The following ESRRG variants were observed in gnomAD, a reference collection of about 807,000 sequenced individuals.
ESRRG encodes estrogen related receptor gamma.
In ESRRG, 13 loss-of-function variants were observed where a neutral mutation model predicts 44.0. That is an observed-to-expected ratio of 0.30 (90% CI 0.19 to 0.47). The LOEUF is 0.47. ESRRG is among the 20% of genes least tolerant of loss of function. ESRRG has a pLI of 1.00. For missense variants in ESRRG, 395 were observed against 580.6 expected (o/e 0.68, Z 3.29); for synonymous variants, 215 against 214.6 (o/e 1.00, Z -0.02).
intron 1 of ESRRG, among the ~76,000 whole-genome samples, chr1:217,080,746 T>C (rs1238467415): frequency 4.2e-5 from 6 of 141,366 alleles, no homozygotes; most frequent in Non-Finnish European, 9.1e-5. Flanking sequence ...GGCGCCATCT[T>C]GGCTCACTGC....
chr1:216,646,885 T>A (rs1420689150), intron 3 of ESRRG, among the ~76,000 whole-genome samples: 3 of 152,200 alleles, frequency 2.0e-5, no homozygotes, highest in Admixed American at 1.3e-4. Flanking sequence ...TGTGCGTGAA[T>A]GTGAGTCTTT....
intron 2 of ESRRG, among the ~76,000 whole-genome samples, chr1:216,755,953 G>A (rs2152317809): frequency 6.6e-6 from 1 of 152,070 alleles, no homozygotes; most frequent in South Asian, 2.1e-4. Context: ...TGGCCCCCCT[G>A]CACATTACAG....
chr1:216,779,208 TAAATA>T (rs1409684550), intron 2 of ESRRG, among the ~76,000 whole-genome samples: 8 of 63,118 alleles, frequency 1.3e-4, no homozygotes, highest in East Asian at 5.6e-4. Context: ...TTTATAAATA[TAAATA>T]TATATTTATA....
intron 2 of ESRRG, among the ~76,000 whole-genome samples, chr1:216,883,711 C>T (rs1225947542): frequency 6.6e-6 from 1 of 152,180 alleles, no homozygotes; most frequent in East Asian, 1.9e-4. Context: ...CCAACTAATA[C>T]ACCCCCTAAT....
At chr1:217,025,490 CA>C (rs1250786789) in intron 1 of ESRRG, among the ~76,000 whole-genome samples, 2 of 152,124 alleles carry the variant, frequency 1.3e-5, no homozygotes, top group Non-Finnish European at 2.9e-5. Context: ...AGTATATGCA[CA>C]AGAAATTTAA....
chr1:216,856,392 T>TACACACACAC (rs2095941258), intron 2 of ESRRG, among the ~76,000 whole-genome samples: 2 of 107,812 alleles, frequency 1.9e-5, no homozygotes, highest in African/African-American at 3.9e-5. Flanking sequence ...CACACACACT[T>TACACACACAC]GGAACGAACA....
intron 2 of ESRRG, among the ~76,000 whole-genome samples, chr1:216,652,954 G>A (rs780181780): frequency 7.3e-5 from 11 of 151,480 alleles, no homozygotes; most frequent in Admixed American, 2.0e-4. Context: ...AACAGTGACT[G>A]CTTAAAAGGA....
chr1:216,869,284 CCT>C (rs34956732), intron 2 of ESRRG, among the ~76,000 whole-genome samples: 2 of 151,988 alleles, frequency 1.3e-5, no homozygotes, highest in Admixed American at 6.6e-5. Flanking sequence ...ACTTTTTCCC[CCT>C]GTTGATGTTC....
intron 3 of ESRRG, among the ~76,000 whole-genome samples, chr1:216,606,448 A>G (rs1432444367): frequency 1.3e-5 from 2 of 152,128 alleles, no homozygotes; most frequent in Non-Finnish European, 2.9e-5. Context: ...CTTTTTCTCT[A>G]TGGATTCTCT....
intron 1 of ESRRG, among the ~76,000 whole-genome samples, chr1:216,995,037 C>T (rs974036012): frequency 6.6e-6 from 1 of 152,160 alleles, no homozygotes; most frequent in Non-Finnish European, 1.5e-5. Context: ...GGATGTCAAT[C>T]TGGAAGCTTT....
intron 1 of ESRRG, among the ~76,000 whole-genome samples, chr1:217,121,844 C>T (rs953599388): frequency 6.6e-6 from 1 of 152,202 alleles, no homozygotes; most frequent in Non-Finnish European, 1.5e-5. Context: ...CAGCCAAGAA[C>T]ATAACCACCT....
At chr1:216,772,565 T>A (rs915165714) in intron 2 of ESRRG, among the ~76,000 whole-genome samples, 3 of 152,176 alleles carry the variant, frequency 2.0e-5, no homozygotes, top group Admixed American at 2.0e-4. Context: ...TTTCAAGCTG[T>A]CAAAACATAT....
At chr1:216,773,492 T>G (rs987183175) in intron 2 of ESRRG, among the ~76,000 whole-genome samples, 1 of 152,102 alleles carries the variant, frequency 6.6e-6, no homozygotes, top group African/African-American at 2.4e-5. Context: ...TTGAAAAAAT[T>G]GTCAATTGTA....
chr1:216,774,678 T>A (rs2093524492), intron 2 of ESRRG, among the ~76,000 whole-genome samples: 1 of 152,006 alleles, frequency 6.6e-6, no homozygotes, highest in Non-Finnish European at 1.5e-5. Flanking sequence ...AATGTAGCAC[T>A]AAATCCACAC....
At chr1:216,851,438 T>A (rs1299422370) in intron 2 of ESRRG, among the ~76,000 whole-genome samples, 1 of 152,106 alleles carries the variant, frequency 6.6e-6, no homozygotes, top group East Asian at 1.9e-4. Flanking sequence ...GGTAATGGTA[T>A]TAGCAGGTGA....
chr1:217,069,045 G>A (rs1030560205), intron 1 of ESRRG, among the ~76,000 whole-genome samples: 4 of 152,314 alleles, frequency 2.6e-5, no homozygotes, highest in Middle Eastern at 3.4e-3. Context: ...TATTTATCCT[G>A]GGTGTGTCTA....
intron 5 of ESRRG, among the ~76,000 whole-genome samples, chr1:216,526,695 C>T (rs2047762156): frequency 6.6e-6 from 1 of 152,196 alleles, no homozygotes; most frequent in African/African-American, 2.4e-5. Context: ...GTGGACTACA[C>T]ACTTCTGAGG....
upstream of ESRRG, among the ~76,000 whole-genome samples, chr1:217,093,783 C>CA (rs1224810711): frequency 0.01 from 1,424 of 136,544 alleles, 20 homozygotes; most frequent in African/African-American, 0.033. Context: ...ACCCCTGTCT[C>CA]AAAAAAAAAA....
chr1:216,641,647 G>A (rs745762561), intron 3 of ESRRG, among the ~76,000 whole-genome samples: 1 of 152,190 alleles, frequency 6.6e-6, no homozygotes, highest in Non-Finnish European at 1.5e-5. Context: ...TTTTCTTTAT[G>A]TTCCAATTTG....
Sources: allele counts gnomAD v4.1 joint callset (sites outside exome capture counted in the v4.1 genomes callset), GRCh38; gene constraint gnomAD v4.1.1; transcripts MANE v1.5; gene names NCBI Gene and HGNC (gene_info 2026-07-23, HGNC 2026-07-21).